PIN4: variants seen among roughly 807,000 people sequenced by gnomAD.
The protein encoded by PIN4 is peptidylprolyl cis/trans isomerase, NIMA-interacting 4.
A neutral mutation model predicts 8.3 loss-of-function variants in PIN4; 3 were observed. The observed-to-expected ratio is 0.36, with a 90% CI of 0.16 to 0.93. PIN4 has a LOEUF of 0.93. Ranked by LOEUF, PIN4 falls within the 40% of genes least tolerant of loss-of-function variation. The probability of loss-of-function intolerance (pLI) is 0.44; values close to 1 mark genes in which losing one functional copy is unlikely to be tolerated. For synonymous variants in PIN4, 18 were observed against 32.5 expected, an observed-to-expected ratio of 0.55 and a Z score of 1.52; for missense variants, 75 against 100.6, an observed-to-expected ratio of 0.75 and a Z score of 1.09.
intron 3 of PIN4, among the ~76,000 whole-genome samples, chrX:72,219,281 C>T (rs1012320819): frequency 5.5e-5 from 6 of 108,366 alleles, no homozygotes; most frequent in Non-Finnish European, 7.6e-5. Context: ...AGGCCAGGTG[C>T]GGTGGCTCAT....
At chrX:72,250,829 T>C (rs1193373651) in intron 3 of PIN4, among the ~76,000 whole-genome samples, 2 of 93,478 alleles carry the variant, frequency 2.1e-5, no homozygotes, top group Admixed American at 1.3e-4. Flanking sequence ...AACCTCCACC[T>C]CCAGGGTTCA....
rs762479465 is a variant in PIN4, at chrX:72,240,509, A to T, written c.313-22198A>T. Among the ~76,000 whole-genome samples, 125 of 111,867 alleles carry T rather than the reference A, an allele frequency of 1.1e-3. No homozygotes were observed. In the South Asian group the frequency reaches 0.014, roughly 12 times the overall value. On this transcript the variant is annotated intron_variant, in intron 3 of 3. Coordinates refer to the PIN4 transcript ENST00000423432. Reference sequence around the variant, plus strand: ...TAAAATTTATAGACCGTTATGAGTTAAAAGGAATGTTGGAGGCCGGGTTCA... The same window carrying T: ...TAAAATTTATAGACCGTTATGAGTTTAAAGGAATGTTGGAGGCCGGGTTCA...
chrX:72,188,579 G>A (rs1252052993), intron 2 of PIN4, among the ~76,000 whole-genome samples: 1 of 112,205 alleles, frequency 8.9e-6, no homozygotes, highest in African/African-American at 3.2e-5. Flanking sequence ...GGCTGGTCTT[G>A]AACTCCTGAC....
chrX:72,261,296 G>GAA (rs754002557), intron 3 of PIN4, among the ~76,000 whole-genome samples: 986 of 45,916 alleles, frequency 0.021, 23 homozygotes, highest in African/African-American at 0.071. Flanking sequence ...CTCCGTCTCA[G>GAA]AAAAAAAAAA....
At chrX:72,193,487 C>T (rs2042746773) in intron 2 of PIN4, among the ~76,000 whole-genome samples, 1 of 110,352 alleles carries the variant, frequency 9.1e-6, no homozygotes, top group African/African-American at 3.3e-5. Flanking sequence ...TGATCCTGAC[C>T]CTGTGTGGGC....
intron 3 of PIN4, among the ~76,000 whole-genome samples, chrX:72,237,386 C>T (rs1369561393): frequency 1.8e-5 from 2 of 110,327 alleles, no homozygotes; most frequent in Non-Finnish European, 3.8e-5. Flanking sequence ...ATCACGAGGT[C>T]AGGAGATTGA....
intron 3 of PIN4, among the ~76,000 whole-genome samples, chrX:72,256,520 C>T (rs1026949273): frequency 9.0e-6 from 1 of 111,034 alleles, no homozygotes; most frequent in Non-Finnish European, 1.9e-5. Context: ...CTGAGGGCAC[C>T]CTGCTTTACT....
intron 2 of PIN4, among the ~76,000 whole-genome samples, chrX:72,189,243 A>G (rs913083033): frequency 8.9e-5 from 10 of 111,831 alleles, no homozygotes; most frequent in Non-Finnish European, 1.5e-4. Flanking sequence ...TAACAAAACT[A>G]TAGTACAATA....
chrX:72,244,806 T>C (rs2147613093), intron 3 of PIN4, among the ~76,000 whole-genome samples: 1 of 106,691 alleles, frequency 9.4e-6, no homozygotes, highest in South Asian at 4.1e-4. Context: ...TGGGGCCAAG[T>C]GTGGTGGCTC....
downstream of PIN4, among the ~76,000 whole-genome samples, chrX:72,201,151 G>A (rs1356765792): frequency 9.0e-6 from 1 of 110,930 alleles, no homozygotes; most frequent in African/African-American, 3.3e-5. Context: ...GCAGTGAGCC[G>A]TGATCTCACC....
chrX:72,227,409 C>T (rs768577050), intron 3 of PIN4, among the ~76,000 whole-genome samples: 39 of 111,986 alleles, frequency 3.5e-4, no homozygotes, highest in African/African-American at 1.2e-3. Context: ...CAGGTACTCA[C>T]TCCAAACTCT....
At chrX:72,200,161 CAA>C (rs1176406555), downstream of PIN4, among the ~76,000 whole-genome samples, 17 of 44,456 alleles carry the variant, frequency 3.8e-4, no homozygotes, top group South Asian at 9.3e-4. Flanking sequence ...AAAACTGTCT[CAA>C]AAAAAAAAAA....
chrX:72,210,089 G>A (rs2042844245), intron 3 of PIN4, among the ~76,000 whole-genome samples: 1 of 108,836 alleles, frequency 9.2e-6, no homozygotes, highest in Non-Finnish European at 1.9e-5. Flanking sequence ...ACAGGGCCGG[G>A]TGCGGTGGCT....
chrX:72,182,397 C>T (rs1316300095), intron 1 of PIN4, among the ~76,000 whole-genome samples: 5 of 110,607 alleles, frequency 4.5e-5, no homozygotes, highest in Non-Finnish European at 9.5e-5. Flanking sequence ...AAAAATTCGC[C>T]AGGCGTGGTG....
chrX:72,201,316 A>G (rs2042789192), downstream of PIN4, among the ~76,000 whole-genome samples: 2 of 112,785 alleles, frequency 1.8e-5, no homozygotes, highest in South Asian at 7.2e-4. Flanking sequence ...GGCTGGGCAC[A>G]GTGGCTCACG....
At chrX:72,185,245 A>AC (rs1475998127) in intron 1 of PIN4, among the ~76,000 whole-genome samples, 4 of 109,036 alleles carry the variant, frequency 3.7e-5, no homozygotes, top group Non-Finnish European at 5.7e-5. Context: ...CAATGCCCTG[A>AC]CCCTCAGCTA....
chrX:72,188,770 C>T (rs1162141964), intron 2 of PIN4, among the ~76,000 whole-genome samples: 3 of 111,310 alleles, frequency 2.7e-5, no homozygotes, highest in Non-Finnish European at 3.8e-5. Context: ...GCGATCCTCC[C>T]GCCTCAGCCT....
intron 3 of PIN4, among the ~76,000 whole-genome samples, chrX:72,226,654 A>G (rs2042955422): frequency 9.0e-6 from 1 of 111,276 alleles, no homozygotes; most frequent in Admixed American, 9.6e-5. Flanking sequence ...CCACATTCCA[A>G]TAGGAAACCG....
chrX:72,227,319 T>C (rs1368808184), intron 3 of PIN4, among the ~76,000 whole-genome samples: 1 of 111,857 alleles, frequency 8.9e-6, no homozygotes, highest in Non-Finnish European at 1.9e-5. Context: ...ACATATCACC[T>C]GGAAGCTATA....
Sources: allele counts gnomAD v4.1 joint callset (sites outside exome capture counted in the v4.1 genomes callset), GRCh38; gene constraint gnomAD v4.1.1; transcripts MANE v1.5; gene names NCBI Gene and HGNC (gene_info 2026-07-23, HGNC 2026-07-21).